MEGF10: variants seen among roughly 807,000 people sequenced by gnomAD.
The protein encoded by MEGF10 is multiple EGF like domains 10, also known as multiple epidermal growth factor-like domains protein 10.
MEGF10 carries 86 observed loss-of-function variants against 147.5 expected under a neutral mutation model. The observed-to-expected ratio is 0.58, with a 90% confidence interval of 0.49 to 0.70. The LOEUF is 0.70. Among genes scored for constraint, MEGF10 ranks in the 30% least tolerant of loss-of-function variants. The pLI is 0.00. For missense variants in MEGF10, 1,329 were observed against 1,487.3 expected (o/e 0.89, Z 1.75); for synonymous variants, 478 against 525.5 (o/e 0.91, Z 1.24).
At position 127,410,404 on chromosome 5, in the gene MEGF10, T is replaced by C; in HGVS notation, c.933T>C (p.Cys311=). 1.2e-6 allele frequency: 2 copies of C among 1,614,240 alleles called. No individual in the cohort carries two copies. The highest frequency in any genetic ancestry group is 1.7e-6 in the Non-Finnish European group (2 of 1,180,040). ...TGCTTGGTAGGTGCCAGGATGAGTGTCCTGTTGGGACCTATGGCGTTCTCT... is the reference window on the plus strand; with the variant it reads ...TGCTTGGTAGGTGCCAGGATGAGTGCCCTGTTGGGACCTATGGCGTTCTCT... The part of the protein sequence containing the change: ...GYTGERCQDE[C]PVGTYGVLCA... Residue 311 remains cysteine, a synonymous_variant, in exon 9 of 25, where the codon TGT becomes TGC. Coordinates refer to ENST00000503335, the MANE Select transcript of MEGF10 (RefSeq NM_001256545.2).
chr5:127,406,341 T>C (rs1738031232), intron 8 of MEGF10, among the ~76,000 whole-genome samples: 1 of 152,228 alleles, frequency 6.6e-6, no homozygotes, highest in Non-Finnish European at 1.5e-5. Flanking sequence ...GACCTGCTGC[T>C]CTTGTAACTA....
the MEGF10 span, among the ~76,000 whole-genome samples, chr5:127,246,378 C>G: frequency 1.3e-5 from 2 of 152,102 alleles, no homozygotes; most frequent in African/African-American, 4.8e-5. Flanking sequence ...ACCGCATGTT[C>G]TCACTCATAA....
intron 5 of MEGF10, among the ~76,000 whole-genome samples, chr5:127,381,394 ATTTC>A (rs1763257434): frequency 6.6e-6 from 1 of 152,228 alleles, no homozygotes; most frequent in Non-Finnish European, 1.5e-5. Flanking sequence ...AATCTTTATA[ATTTC>A]TTTCATATAA....
At chr5:127,442,874 C>T (rs948355810) in intron 18 of MEGF10, 124 bp from the exon 19 acceptor site, 3 of 981,572 alleles carry the variant, frequency 3.1e-6, no homozygotes, top group Non-Finnish European at 4.5e-6. Context: ...CTTGGGGGTA[C>T]AAGTCAGCCT....
the MEGF10 span, chr5:127,229,950 GA>G: frequency 6.6e-6 from 1 of 152,104 alleles, no homozygotes; most frequent in South Asian, 2.1e-4. Context: ...CTTTATTCCT[GA>G]AAGCAAAAAT....
chr5:127,241,483 C>G, the MEGF10 span, among the ~76,000 whole-genome samples: 4 of 152,064 alleles, frequency 2.6e-5, no homozygotes, highest in Non-Finnish European at 5.9e-5. Context: ...CCAGCTGAGC[C>G]TAAACTGGGG....
intron 2 of MEGF10, among the ~76,000 whole-genome samples, chr5:127,332,541 C>G (rs1170385773): frequency 2.6e-5 from 4 of 152,084 alleles, no homozygotes; most frequent in Non-Finnish European, 5.9e-5. Flanking sequence ...AAGGGCTTAT[C>G]CCTACCTCCA....
At chr5:127,354,943 G>T (rs939719815) in intron 4 of MEGF10, among the ~76,000 whole-genome samples, 11 of 151,948 alleles carry the variant, frequency 7.2e-5, no homozygotes, top group African/African-American at 2.4e-4. Flanking sequence ...ACGGCTTCTG[G>T]GAAGAGCTGA....
At chr5:127,324,938 C>G (rs527269743) in intron 1 of MEGF10, among the ~76,000 whole-genome samples, 1 of 152,154 alleles carries the variant, frequency 6.6e-6, no homozygotes, top group Admixed American at 6.6e-5. Context: ...TTCCTTTTAT[C>G]CAGGTGTGAT....
At chr5:127,345,729 C>T (rs1761859515) in intron 4 of MEGF10, among the ~76,000 whole-genome samples, 1 of 152,034 alleles carries the variant, frequency 6.6e-6, no homozygotes, top group Non-Finnish European at 1.5e-5. Flanking sequence ...TTTTAAGGAA[C>T]AGGTAGTGTT....
chr5:127,361,508 GT>G (rs1208227795), intron 4 of MEGF10, among the ~76,000 whole-genome samples: 1 of 151,758 alleles, frequency 6.6e-6, no homozygotes, highest in Non-Finnish European at 1.5e-5. Context: ...TTGCTTTTCT[GT>G]TTTTTATTTT....
chr5:127,371,183 G>C, intron 5 of MEGF10, among the ~76,000 whole-genome samples: 1 of 148,102 alleles, frequency 6.8e-6, no homozygotes, highest in Non-Finnish European at 1.5e-5. Flanking sequence ...CTTAAACAGG[G>C]ACTGGGACTG....
chr5:127,447,452 C>CTCCCAA, intron 20 of MEGF10, 105 bp from the exon 21 acceptor site: 1 of 1,489,570 alleles, frequency 6.7e-7, no homozygotes, highest in East Asian at 2.3e-5. Context: ...GCTGGGATTA[C>CTCCCAA]AGGCGTGAGC....
chr5:127,295,014 G>T (rs999491942), intron 1 of MEGF10, among the ~76,000 whole-genome samples: 3 of 151,994 alleles, frequency 2.0e-5, no homozygotes, highest in African/African-American at 7.2e-5. Flanking sequence ...CAGAGCACTG[G>T]AAAGGAAGTG....
At chr5:127,294,192 C>A (rs912613932) in intron 1 of MEGF10, among the ~76,000 whole-genome samples, 2 of 152,196 alleles carry the variant, frequency 1.3e-5, no homozygotes, top group African/African-American at 4.8e-5. Flanking sequence ...ATATCTCATG[C>A]GAGTTCCCAT....
In MEGF10 at chr5:127,422,673, G is replaced by C; in HGVS notation, c.1594G>C (p.Gly532Arg). ...TTTGATGCTGTTTTCCATGCAGGAT[G>C]GCACGTACGGGCTGAACTGTGCTGA... ...GEKCELPCQD[G>R]TYGLNCAERC... Residue 532 changes from glycine to arginine, a missense_variant, in exon 13 of 25, where the codon GGC becomes CGC. Transcript: ENST00000503335. 1 of 1,613,670 alleles carries C rather than the reference G, an allele frequency of 6.2e-7. No homozygotes were observed. Among genetic ancestry groups the C allele is most frequent in the Non-Finnish European group, 8.5e-7 (1 of 1,179,570 alleles).
chr5:127,290,333 C>T (rs1759187383), upstream of MEGF10, among the ~76,000 whole-genome samples: 1 of 152,130 alleles, frequency 6.6e-6, no homozygotes, highest in Admixed American at 6.5e-5. Flanking sequence ...CCCACCTTTG[C>T]GCTTTCTCCC....
intron 13 of MEGF10, among the ~76,000 whole-genome samples, chr5:127,430,357 T>A (rs1765351972): frequency 6.6e-6 from 1 of 152,172 alleles, no homozygotes; most frequent in Non-Finnish European, 1.5e-5. Context: ...AATACACATG[T>A]ACCCACACAG....
chr5:127,234,333 C>T, the MEGF10 span, among the ~76,000 whole-genome samples: 4 of 152,194 alleles, frequency 2.6e-5, no homozygotes, highest in Non-Finnish European at 5.9e-5. Flanking sequence ...GTTCCATGGC[C>T]ATTCATAGGT....
Sources: allele counts gnomAD v4.1 joint callset (sites outside exome capture counted in the v4.1 genomes callset), GRCh38; gene constraint gnomAD v4.1.1; transcripts MANE v1.5; gene names NCBI Gene and HGNC (gene_info 2026-07-23, HGNC 2026-07-21).